Variants in MARCHF10 observed in about 807,000 individuals in gnomAD.
MARCHF10 encodes the protein membrane associated ring-CH-type finger 10.
MARCHF10 carries 64 observed loss-of-function variants against 76.2 expected under a neutral mutation model. That is an observed-to-expected ratio of 0.84 (90% CI 0.69 to 1.03). MARCHF10 has a LOEUF of 1.03. Among genes scored for constraint, MARCHF10 ranks in the 50% least tolerant of loss-of-function variants. MARCHF10 has a pLI of 0.00. For missense variants in MARCHF10, 875 were observed against 958.0 expected (o/e 0.91, Z 1.14); for synonymous variants, 340 against 357.5 (o/e 0.95, Z 0.55).
intron 8 of MARCHF10, among the ~76,000 whole-genome samples, chr17:62,716,186 T>C (rs922412699): frequency 3.9e-5 from 6 of 152,232 alleles, no homozygotes; most frequent in Non-Finnish European, 8.8e-5. Context: ...CCTGCAGGAA[T>C]TGCTGGCTTC....
Position 62,737,313 on chromosome 17 carries a change from T to C in MARCHF10, c.555A>G (p.Glu185=). Residue 185 remains glutamate, a synonymous_variant, in exon 6 of 11, where the codon GAA becomes GAG. Coordinates refer to ENST00000311269, the MANE Select transcript of MARCHF10 (RefSeq NM_152598.4). ...TCAGCTTAGTGTTACACATCAGGCCTTCTTGTTGAACTACTTGATCTGCAT... is the reference window on the plus strand; with the variant it reads ...TCAGCTTAGTGTTACACATCAGGCCCTCTTGTTGAACTACTTGATCTGCAT... ...PRGADQVVQQ[E]GLMCNTKLKR... is the part of the protein sequence containing the mutation. The C allele has an allele frequency of 6.2e-7, 1 of 1,608,974 alleles. No individual in the cohort carries two copies. Among genetic ancestry groups the C allele is most frequent in the Non-Finnish European group, 8.5e-7 (1 of 1,178,950 alleles).
chr17:62,707,834 G>A (rs539906715), intron 9 of MARCHF10, among the ~76,000 whole-genome samples: 30 of 152,336 alleles, frequency 2.0e-4, no homozygotes, highest in South Asian at 8.3e-4. Context: ...AGGCTAGTAT[G>A]TAGTAGGTTC....
chr17:62,725,393 T>G (rs114364838), intron 6 of MARCHF10, among the ~76,000 whole-genome samples: 2,490 of 152,278 alleles, frequency 0.016, 52 homozygotes, highest in African/African-American at 0.057. Flanking sequence ...GCCTCCCAAG[T>G]AGCTGGATTA....
At chr17:62,745,010 A>G (rs2091653570) in intron 4 of MARCHF10, among the ~76,000 whole-genome samples, 1 of 151,418 alleles carries the variant, frequency 6.6e-6, no homozygotes, top group African/African-American at 2.4e-5. Flanking sequence ...TCTCAAAAAA[A>G]AAAAAAAAAG....
intron 4 of MARCHF10, among the ~76,000 whole-genome samples, chr17:62,754,971 A>T (rs900055152): frequency 6.6e-6 from 1 of 152,160 alleles, no homozygotes; most frequent in African/African-American, 2.4e-5. Flanking sequence ...CCCATCCAAA[A>T]GAGACCACAG....
intron 1 of MARCHF10, among the ~76,000 whole-genome samples, chr17:62,802,838 A>C (rs1043263560): frequency 1.3e-5 from 2 of 152,180 alleles, no homozygotes; most frequent in African/African-American, 4.8e-5. Flanking sequence ...GAAGGGCTGC[A>C]GGGGAGGCAG....
chr17:62,757,491 C>T (rs949260345), intron 4 of MARCHF10, among the ~76,000 whole-genome samples: 1 of 152,226 alleles, frequency 6.6e-6, no homozygotes, highest in Non-Finnish European at 1.5e-5. Context: ...AGCTAAAATC[C>T]TTGCCATGTC....
intron 3 of MARCHF10, among the ~76,000 whole-genome samples, chr17:62,770,398 T>C (rs1054268101): frequency 6.6e-6 from 1 of 152,182 alleles, no homozygotes; most frequent in South Asian, 2.1e-4. Context: ...AATGGGATTG[T>C]TGGGTTGAAT....
At chr17:62,752,554 T>C (rs923635458) in intron 4 of MARCHF10, among the ~76,000 whole-genome samples, 4 of 152,044 alleles carry the variant, frequency 2.6e-5, no homozygotes, top group Middle Eastern at 3.2e-3. Context: ...TTCTTCCTTA[T>C]CCCTACATCC....
At chr17:62,709,749 CTTTTTTT>C (rs569022366) in intron 9 of MARCHF10, among the ~76,000 whole-genome samples, 70 of 152,142 alleles carry the variant, frequency 4.6e-4, no homozygotes, top group South Asian at 4.6e-3. Flanking sequence ...ATTTGGGTGC[CTTTTTTT>C]GTTTTTTGTT....
intron 2 of MARCHF10, among the ~76,000 whole-genome samples, chr17:62,795,356 C>CA (rs61564298): frequency 0.026 from 1,391 of 52,958 alleles, 110 homozygotes; most frequent in African/African-American, 0.051. Context: ...ATCATTTGAT[C>CA]AAAAAAAAAA....
At chr17:62,804,447 C>A (rs1197489516) in intron 1 of MARCHF10, among the ~76,000 whole-genome samples, 1 of 151,544 alleles carries the variant, frequency 6.6e-6, no homozygotes, top group Admixed American at 6.6e-5. Flanking sequence ...AGAAACTCTG[C>A]GGAAAAAAAA....
At chr17:62,785,765 C>G (rs143361035) in intron 3 of MARCHF10, among the ~76,000 whole-genome samples, 276 of 152,284 alleles carry the variant, frequency 1.8e-3, no homozygotes, top group African/African-American at 6.4e-3. Flanking sequence ...AGCCAACAGA[C>G]ACATGAAAAA....
At chr17:62,750,754 A>G (rs548163870) in intron 4 of MARCHF10, among the ~76,000 whole-genome samples, 174 of 152,338 alleles carry the variant, frequency 1.1e-3, no homozygotes, top group African/African-American at 4.0e-3. Context: ...TCCAGCCAAC[A>G]GTCTCCAGCG....
chr17:62,768,799 T>C (rs1042620789), intron 3 of MARCHF10, among the ~76,000 whole-genome samples: 2 of 152,232 alleles, frequency 1.3e-5, no homozygotes, highest in Non-Finnish European at 2.9e-5. Context: ...TCTCCTGCAA[T>C]GCCACAATAC....
At chr17:62,797,869 C>A (rs1430659370) in intron 2 of MARCHF10, among the ~76,000 whole-genome samples, 1 of 151,966 alleles carries the variant, frequency 6.6e-6, no homozygotes, top group Non-Finnish European at 1.5e-5. Context: ...CATGGGGTGG[C>A]AACAGGGTAA....
rs750784007 is a variant in MARCHF10, at chr17:62,736,360, C to T, written c.1508G>A (p.Gly503Glu). 16 of 1,614,074 alleles carry T rather than the reference C, an allele frequency of 9.9e-6. No homozygotes were observed. Among genetic ancestry groups the T allele is most frequent in the Non-Finnish European group, 1.4e-5 (16 of 1,180,050 alleles). ...STSVHSSDSE[G>E]NSGFHVCQPL... ...TTGGCAAACATGAAACCCTGAGTTT[C>T]CCTCTGAGTCTGAGCTGTGAACTGA... Residue 503 changes from glycine (G) to glutamate (E), a missense_variant, in exon 6 of 11, where the codon GGA becomes GAA. Transcript: ENST00000311269.
At chr17:62,797,832 T>C (rs774308645) in intron 2 of MARCHF10, among the ~76,000 whole-genome samples, 4 of 152,200 alleles carry the variant, frequency 2.6e-5, no homozygotes, top group Non-Finnish European at 5.9e-5. Flanking sequence ...TATAATGGTC[T>C]TGGACAGAAA....
intron 4 of MARCHF10, among the ~76,000 whole-genome samples, chr17:62,758,850 A>G (rs1349203442): frequency 6.6e-6 from 1 of 152,206 alleles, no homozygotes; most frequent in East Asian, 1.9e-4. Context: ...CTCAACTTAG[A>G]CCTTTCTGCC....
Sources: allele counts gnomAD v4.1 joint callset (sites outside exome capture counted in the v4.1 genomes callset), GRCh38; gene constraint gnomAD v4.1.1; transcripts MANE v1.5; gene names NCBI Gene and HGNC (gene_info 2026-07-23, HGNC 2026-07-21).